Variants in CA13 observed in about 807,000 individuals in gnomAD.
The protein encoded by CA13 is CA-XIII.
A neutral mutation model predicts 31.5 loss-of-function variants in CA13; 21 were observed. The observed-to-expected ratio is 0.67, with a 90% CI of 0.47 to 0.96. CA13 has a LOEUF of 0.96. Among genes scored for constraint, CA13 ranks in the 40% least tolerant of loss-of-function variants. The pLI is 0.00. For synonymous variants in CA13, 117 were observed against 111.4 expected (o/e 1.05, Z -0.32); for missense variants, 315 against 318.9 (o/e 0.99, Z 0.09).
At chr8:85,259,584 TGGAATTTAA>T (rs1807350030) in intron 3 of CA13, 45 bp downstream of exon 3, 3 of 1,498,682 alleles carry the variant, frequency 2.0e-6, no homozygotes, top group Non-Finnish European at 2.8e-6. Flanking sequence ...TCCCACATGG[TGGAATTTAA>T]GGGGTACAGA....
Position 85,263,547 on chromosome 8 carries a change from G to A in CA13, c.355-3061G>A, listed in dbSNP as rs1195772138. On this transcript the variant is annotated intron_variant, in intron 3 of 6. Transcript: ENST00000321764. The stretch of plus-strand genomic sequence containing the variant: ...AAATCTATGATGTTTGGGAGATAAA[G>A]TCAATAGGGTTTGCTGATGAAAAGG... Among the ~76,000 whole-genome samples, 3 of 152,094 alleles carry A rather than the reference G, an allele frequency of 2.0e-5. No homozygotes were observed. In the East Asian group the frequency reaches 5.8e-4, roughly 29 times the overall value.
In CA13 at chr8:85,256,124, G is replaced by A. The variant is rs7813660; in HGVS notation, c.236-3297G>A. Among the ~76,000 whole-genome samples, 243 of 151,760 alleles carry A rather than the reference G, an allele frequency of 1.6e-3. 2 individuals are homozygous for A. Among genetic ancestry groups the A allele is most frequent in the African/African-American group, 5.6e-3 (232 of 41,372 alleles). On this transcript the variant is annotated intron_variant, in intron 2 of 6. Transcript: ENST00000321764. ...CCTTAGCATACATAGATTAACTCTC[G>A]ATAAAATTACAAACCACCAGAAATC...
chr8:85,281,642 AAGT>A lies in CA13; in HGVS notation c.*296_*298del. ...ATCCTCCCACCTCAGCCTCCAGAGTAAGTAGGACCACAGGCATGCACAAGCATG... is the reference window on the plus strand; with the variant it reads ...ATCCTCCCACCTCAGCCTCCAGAGTAAGGACCACAGGCATGCACAAGCATG... On this transcript the variant is annotated 3_prime_UTR_variant, in exon 7 of 7. Coordinates refer to ENST00000321764, the MANE Select transcript of CA13 (RefSeq NM_198584.3). The A allele has an allele frequency of 2.7e-6, 1 of 372,948 alleles. No homozygotes were observed. Among genetic ancestry groups the A allele is most frequent in the Non-Finnish European group, 4.0e-6 (1 of 249,504 alleles). The allele number at this position is 372,948 out of a possible 1,614,324, so 23.1% of individuals were successfully genotyped here.
rs114906584 is a variant in CA13, at chr8:85,268,277, A to C, written c.514-195A>C. Among the ~76,000 whole-genome samples, 636 of 152,300 alleles carry C rather than the reference A, an allele frequency of 4.2e-3. 4 individuals carry two copies. Among genetic ancestry groups the C allele is most frequent in the African/African-American group, 0.015 (609 of 41,562 alleles). ...CTTATGCTTCTTAAATAAATCTATG[A>C]TATGTTACTTTATCTAAAATTTTTA... On this transcript the variant is annotated intron_variant, in intron 5 of 6. Transcript: ENST00000321764.
chr8:85,261,221 T>C (rs1807371868), intron 3 of CA13, among the ~76,000 whole-genome samples: 1 of 152,198 alleles, frequency 6.6e-6, no homozygotes, highest in Admixed American at 6.5e-5. Flanking sequence ...ATTTCACTTA[T>C]TAAAAAACTT....
intron 3 of CA13, among the ~76,000 whole-genome samples, chr8:85,259,954 T>C (rs1807354046): frequency 6.6e-6 from 1 of 151,768 alleles, no homozygotes; most frequent in Non-Finnish European, 1.5e-5. Context: ...TTCATCCAGA[T>C]ACAAATATCC....
At chr8:85,281,104 G>A (rs1227627690) in intron 6 of CA13, 126 bp from the exon 7 acceptor site, 3 of 1,181,132 alleles carry the variant, frequency 2.5e-6, no homozygotes, top group African/African-American at 1.5e-5. Flanking sequence ...TATATGACAT[G>A]TAACAGAAAA....
intron 6 of CA13, among the ~76,000 whole-genome samples, chr8:85,277,536 A>G (rs1807631437): frequency 6.6e-6 from 1 of 152,210 alleles, no homozygotes; most frequent in Non-Finnish European, 1.5e-5. Flanking sequence ...AGTGAGACCA[A>G]GAACCCACCA....
At chr8:85,264,748 T>C (rs1807433568) in intron 3 of CA13, among the ~76,000 whole-genome samples, 1 of 152,256 alleles carries the variant, frequency 6.6e-6, no homozygotes, top group Non-Finnish European at 1.5e-5. Context: ...CTGAGAGAAC[T>C]GGTGCATTGG....
chr8:85,278,024 G>C (rs1026059321), intron 6 of CA13, among the ~76,000 whole-genome samples: 100 of 152,018 alleles, frequency 6.6e-4, no homozygotes, highest in African/African-American at 2.4e-3. Flanking sequence ...ATTTTGAAAG[G>C]CTGAGGCGGG....
Position 85,245,748 on chromosome 8 carries a change from C to T in CA13, c.-81C>T, listed in dbSNP as rs1378371102. On this transcript the variant is annotated 5_prime_UTR_variant, in exon 1 of 7. Transcript: ENST00000321764. ...CGCCCCGCGGTCCCGCCCTAGCAGG[C>T]TCCTTCCCGGGCCCCTCCCCGCTCC... 2.6e-6 allele frequency: 4 copies of T among 1,531,990 alleles called. No individual in the cohort carries two copies. In the African/African-American group the frequency reaches 5.5e-5, roughly 21 times the overall value. 94.9% of individuals were successfully genotyped at this position (1,531,990 alleles called of 1,614,324 possible).
intron 2 of CA13, among the ~76,000 whole-genome samples, chr8:85,257,722 A>C (rs1201286185): frequency 6.6e-6 from 1 of 150,458 alleles, no homozygotes. Context: ...AAAAAACAAA[A>C]ACGAACAAAC....
intron 6 of CA13, among the ~76,000 whole-genome samples, chr8:85,279,873 A>G (rs1033386379): frequency 2.6e-5 from 4 of 152,116 alleles, no homozygotes; most frequent in Non-Finnish European, 5.9e-5. Flanking sequence ...TTGACCAGAG[A>G]TTCTCTTCAG....
At chr8:85,261,888 C>T (rs1191394200) in intron 3 of CA13, among the ~76,000 whole-genome samples, 4 of 151,932 alleles carry the variant, frequency 2.6e-5, no homozygotes, top group African/African-American at 9.7e-5. Flanking sequence ...ATCTGTTGCC[C>T]AGGCTAGAGT....
chr8:85,265,327 G>GTC (rs1245599010), intron 3 of CA13, among the ~76,000 whole-genome samples: 1 of 152,190 alleles, frequency 6.6e-6, no homozygotes, highest in Non-Finnish European at 1.5e-5. Flanking sequence ...TTTGGCTTCT[G>GTC]TCTCACTTTG....
In CA13 at chr8:85,281,414, A is replaced by G; in HGVS notation, c.*65A>G. 1.9e-6 allele frequency: 3 copies of G among 1,566,914 alleles called. No homozygotes were observed. The highest frequency in any genetic ancestry group is 3.5e-5 in the Admixed American group (2 of 57,200). On this transcript the variant is annotated 3_prime_UTR_variant, in exon 7 of 7. Coordinates refer to ENST00000321764, the MANE Select transcript of CA13 (RefSeq NM_198584.3). Reference sequence around the variant, plus strand: ...GAGACAACAAAACAAAACAAAGCACAAAAGTCTCTGCCAACAACTCTTTTG... The same window carrying G: ...GAGACAACAAAACAAAACAAAGCACGAAAGTCTCTGCCAACAACTCTTTTG...
intron 2 of CA13, among the ~76,000 whole-genome samples, chr8:85,258,999 C>T (rs1041246861): frequency 5.9e-5 from 9 of 152,120 alleles, no homozygotes; most frequent in African/African-American, 1.9e-4. Flanking sequence ...GAGTGTAGGC[C>T]TTCTAACTGC....
intron 2 of CA13, among the ~76,000 whole-genome samples, chr8:85,256,489 T>G (rs111282626): frequency 1.7e-3 from 258 of 152,324 alleles, no homozygotes; most frequent in Admixed American, 2.7e-3. Context: ...CAGTTATGCT[T>G]CCATTATCTA....
At chr8:85,247,000 T>G (rs561398209) in intron 1 of CA13, among the ~76,000 whole-genome samples, 1 of 152,348 alleles carries the variant, frequency 6.6e-6, no homozygotes, top group South Asian at 2.1e-4. Flanking sequence ...AATTGTAGCC[T>G]GTTTAATTTC....
Sources: allele counts gnomAD v4.1 joint callset (sites outside exome capture counted in the v4.1 genomes callset), GRCh38; gene constraint gnomAD v4.1.1; transcripts MANE v1.5; gene names NCBI Gene and HGNC (gene_info 2026-07-23, HGNC 2026-07-21).